The following THSD4 variants were observed in gnomAD, a reference collection of about 807,000 sequenced individuals.
THSD4 encodes thrombospondin type 1 domain containing 4, also known as thrombospondin type-1 domain-containing protein 4.
In THSD4, 69 loss-of-function variants were observed where a neutral mutation model predicts 119.0. The observed-to-expected ratio is 0.58, with a 90% CI of 0.48 to 0.71. The LOEUF is 0.71. Ranked by LOEUF, THSD4 falls within the 30% of genes least tolerant of loss-of-function variation. The pLI is 0.00. For missense variants in THSD4, 1,393 were observed against 1,391.1 expected, an observed-to-expected ratio of 1.00 and a Z score of -0.02; for synonymous variants, 524 against 540.4, an observed-to-expected ratio of 0.97 and a Z score of 0.42.
chr15:71,295,781 G>C (rs72759680), intron 6 of THSD4, among the ~76,000 whole-genome samples: 7,033 of 152,078 alleles, frequency 0.046, 196 homozygotes, highest in South Asian at 0.085. Flanking sequence ...ATCAGTATTA[G>C]AACATTTTTA....
chr15:71,215,182 CG>C lies in THSD4; in HGVS notation c.248del (p.Arg83ProfsTer165). The C allele has an allele frequency of 2.2e-6, 3 of 1,365,272 alleles. No homozygotes were observed. Among genetic ancestry groups the C allele is most frequent in the Non-Finnish European group, 2.8e-6 (3 of 1,062,020 alleles). 84.6% of individuals were successfully genotyped at this position (1,365,272 alleles called of 1,614,324 possible). On this transcript the variant is annotated frameshift_variant, in exon 4 of 18. Transcript: ENST00000261862. LOFTEE classifies it high-confidence loss of function. ...VMEQTRPCLP[R>X]SYRLRGGQRP... ...GGAGCAGACGCGGCCCTGCCTGCCC[CG>C]CTCCTACCGCCTGCGCGGCGGCCAG... is the stretch of plus-strand genomic sequence containing the variant.
chr15:71,582,171 C>T (rs1268577343), intron 7 of THSD4, among the ~76,000 whole-genome samples: 1 of 152,072 alleles, frequency 6.6e-6, no homozygotes, highest in Non-Finnish European at 1.5e-5. Context: ...CACTGTCTTT[C>T]TTCAATGTTT....
intron 7 of THSD4, among the ~76,000 whole-genome samples, chr15:71,597,414 A>G (rs1421456342): frequency 1.3e-5 from 2 of 152,212 alleles, no homozygotes; most frequent in African/African-American, 4.8e-5. Flanking sequence ...TATATATACC[A>G]AAATACACAT....
Position 71,728,637 on chromosome 15 carries a change from C to CACCTACAAGCGTCCAAATGAGAT in THSD4, c.1447_1469dup (p.Ser491ProfsTer30). 1 of 1,614,208 alleles carries CACCTACAAGCGTCCAAATGAGAT rather than the reference C, an allele frequency of 6.2e-7. No individual in the cohort carries two copies. Among genetic ancestry groups the CACCTACAAGCGTCCAAATGAGAT allele is most frequent in the Non-Finnish European group, 8.5e-7 (1 of 1,180,042 alleles). ...AATACGAGGGCGGAGGGACCATGTTCACCTACAAGCGTCCAAATGAGATTT... is the reference window on the plus strand; with the variant it reads ...AATACGAGGGCGGAGGGACCATGTTCACCTACAAGCGTCCAAATGAGATACCTACAAGCGTCCAAATGAGATTT... On this transcript the variant is annotated frameshift_variant, in exon 9 of 18. Coordinates refer to ENST00000261862, the MANE Select transcript of THSD4 (RefSeq NM_024817.3). LOFTEE classifies it high-confidence loss of function.
chr15:71,500,913 G>A (rs1475221919), intron 7 of THSD4, among the ~76,000 whole-genome samples: 3 of 152,114 alleles, frequency 2.0e-5, no homozygotes, highest in Non-Finnish European at 4.4e-5. Flanking sequence ...GAAGTGTGAG[G>A]CCTCCAGCTT....
intron 7 of THSD4, among the ~76,000 whole-genome samples, chr15:71,567,441 G>C (rs924215225): frequency 6.6e-6 from 1 of 152,164 alleles, no homozygotes; most frequent in African/African-American, 2.4e-5. Flanking sequence ...AGACATCTAG[G>C]AGTCAGTGAA....
intron 7 of THSD4, among the ~76,000 whole-genome samples, chr15:71,557,998 A>G (rs1377064954): frequency 2.6e-5 from 4 of 151,884 alleles, no homozygotes; most frequent in African/African-American, 4.8e-5. Flanking sequence ...GGGTTTATTT[A>G]TGTCATCATT....
chr15:71,616,096 C>T (rs959598282), intron 7 of THSD4, among the ~76,000 whole-genome samples: 4 of 152,028 alleles, frequency 2.6e-5, no homozygotes, highest in Non-Finnish European at 4.4e-5. Context: ...GACAAATGTC[C>T]ATGTTTTCAA....
At chr15:71,765,322 C>T (rs2053697482) in intron 16 of THSD4, 123 bp downstream of exon 16, 1 of 1,201,532 alleles carries the variant, frequency 8.3e-7, no homozygotes, top group Non-Finnish European at 1.1e-6. Context: ...AGCAATCTAC[C>T]TTAGGTGGTA....
intron 7 of THSD4, among the ~76,000 whole-genome samples, chr15:71,444,390 T>C (rs1373383223): frequency 6.6e-6 from 1 of 152,236 alleles, no homozygotes; most frequent in East Asian, 1.9e-4. Flanking sequence ...CCGTCTCTTC[T>C]ACAGCCACTG....
At chr15:71,417,520 C>T (rs1464135464) in intron 7 of THSD4, among the ~76,000 whole-genome samples, 6 of 107,384 alleles carry the variant, frequency 5.6e-5, no homozygotes, top group African/African-American at 1.9e-4. Context: ...ATGCTCTTGA[C>T]CCCTTTAATG....
intron 1 of THSD4, among the ~76,000 whole-genome samples, chr15:71,129,148 A>G (rs1377429229): frequency 1.3e-5 from 2 of 152,164 alleles, no homozygotes; most frequent in Non-Finnish European, 2.9e-5. Flanking sequence ...CTGAAGAAGG[A>G]GGGCTTAGCA....
upstream of THSD4, chr15:71,114,838 C>G (rs1229788466): frequency 2.0e-5 from 3 of 152,276 alleles, no homozygotes; most frequent in African/African-American, 4.8e-5. Context: ...GTGTGTGTCT[C>G]CTCCCCATGC....
At chr15:71,230,980 T>C (rs1181902902) in intron 4 of THSD4, among the ~76,000 whole-genome samples, 1 of 152,182 alleles carries the variant, frequency 6.6e-6, no homozygotes. Flanking sequence ...GGTGGCATCC[T>C]TGCAGCCTCT....
chr15:71,734,292 A>C (rs2053039343), intron 10 of THSD4, among the ~76,000 whole-genome samples: 1 of 152,192 alleles, frequency 6.6e-6, no homozygotes, highest in Non-Finnish European at 1.5e-5. Context: ...GATAGACAAA[A>C]ACTAATGGAA....
intron 8 of THSD4, among the ~76,000 whole-genome samples, chr15:71,724,840 T>C (rs999060137): frequency 3.4e-5 from 5 of 148,748 alleles, no homozygotes; most frequent in African/African-American, 1.2e-4. Flanking sequence ...AGAGGAGGTA[T>C]CCAGGATGAT....
At chr15:71,686,478 A>T (rs1567100679) in intron 8 of THSD4, among the ~76,000 whole-genome samples, 6 of 152,228 alleles carry the variant, frequency 3.9e-5, no homozygotes, top group Admixed American at 3.3e-4. Context: ...TTGTTTTGAG[A>T]TGGCCAGAGC....
intron 7 of THSD4, among the ~76,000 whole-genome samples, chr15:71,586,387 C>G (rs1376358261): frequency 1.3e-5 from 2 of 152,160 alleles, no homozygotes; most frequent in East Asian, 1.9e-4. Flanking sequence ...AAGGCATTTA[C>G]CAGGGCACCA....
chr15:71,218,165 G>T (rs1398269002), intron 4 of THSD4, among the ~76,000 whole-genome samples: 1 of 152,192 alleles, frequency 6.6e-6, no homozygotes, highest in South Asian at 2.1e-4. Context: ...ATAGAGTCAG[G>T]CTTGAAACCC....
Sources: allele counts gnomAD v4.1 joint callset (sites outside exome capture counted in the v4.1 genomes callset), GRCh38; gene constraint gnomAD v4.1.1; transcripts MANE v1.5; gene names NCBI Gene and HGNC (gene_info 2026-07-23, HGNC 2026-07-21).